The following MED7 variants were observed in gnomAD, a reference collection of about 807,000 sequenced individuals.
MED7 encodes the protein mediator complex subunit 7.
In MED7, 7 loss-of-function variants were observed where a neutral mutation model predicts 16.6. The observed-to-expected ratio is 0.42, with a 90% CI of 0.24 to 0.79. The LOEUF is 0.79. Ranked by LOEUF, MED7 falls within the 30% of genes least tolerant of loss-of-function variation. The pLI, the probability that MED7 is intolerant of heterozygous loss-of-function variation, is 0.27. For synonymous variants in MED7, 88 were observed against 90.5 expected, an observed-to-expected ratio of 0.97 and a Z score of 0.16; for missense variants, 240 against 286.3, an observed-to-expected ratio of 0.84 and a Z score of 1.17.
rs374746811 is a variant in MED7 at position 157,139,001 on chromosome 5, C to G, written c.431G>C (p.Arg144Pro). The G allele has an allele frequency of 1.2e-6, 2 of 1,614,022 alleles. No homozygotes were observed. The highest frequency in any genetic ancestry group is 1.7e-6 in the Non-Finnish European group (2 of 1,180,036). ...TCTCTCAGCTGTTTCAAGCCGTTGACGTTTCTGGACCTCCATCATGACTCT... is the reference window on the plus strand; with the variant it reads ...TCTCTCAGCTGTTTCAAGCCGTTGAGGTTTCTGGACCTCCATCATGACTCT... ...TLRVMMEVQK[R>P]QRLETAERFQ... Residue 144 changes from arginine to proline, a missense_variant, in exon 2 of 2, where the codon CGT becomes CCT. Physicochemically the swap from Arg to Pro is moderately radical, Grantham distance 103. Coordinates refer to ENST00000286317, the MANE Select transcript of MED7 (RefSeq NM_004270.5).
rs368015832 is a variant in MED7, at chr5:157,139,367, G to A, written c.65C>T (p.Thr22Met). 1.4e-5 allele frequency: 23 copies of A among 1,610,284 alleles called. No homozygotes were observed. Among genetic ancestry groups the A allele is most frequent in the Middle Eastern group, 1.7e-4 (1 of 6,052 alleles). ...TAAGCCTTCTTGAATATTTTCATCCGTATATTCCTTGATATATTGCATTGG... is the reference window on the plus strand; with the variant it reads ...TAAGCCTTCTTGAATATTTTCATCCATATATTCCTTGATATATTGCATTGG... ...PPPMQYIKEYTDENIQEGLAP... is the reference protein window; with the variant it reads ...PPPMQYIKEYMDENIQEGLAP... The change falls in exon 2 of 2, where the codon ACG becomes ATG. Residue 22 changes from threonine to methionine, a missense_variant. Coordinates refer to ENST00000286317, the MANE Select transcript of MED7 (RefSeq NM_004270.5).
Position 157,138,842 on chromosome 5 carries a change from C to T in MED7, c.590G>A (p.Cys197Tyr). Reference protein sequence around the residue: ...EPMDADDSNNCTGQNEHQREN... With the variant: ...EPMDADDSNNYTGQNEHQREN... ...TCTTTGATGTTCATTCTGTCCAGTA[C>T]AATTGTTGCTATCATCAGCATCCAT... The change falls in exon 2 of 2, where the codon TGT (cysteine) becomes TAT (tyrosine). Residue 197 changes from cysteine to tyrosine, a missense_variant. Coordinates refer to ENST00000286317, the MANE Select transcript of MED7 (RefSeq NM_004270.5). 6.2e-7 allele frequency: 1 copy of T among 1,614,132 alleles called. No homozygotes were observed. The highest frequency in any genetic ancestry group is 1.1e-5 in the South Asian group (1 of 91,084).
chr5:157,142,366 G>A (rs1248146517), intron 1 of MED7: 1 of 152,284 alleles, frequency 6.6e-6, no homozygotes, highest in East Asian at 1.9e-4. Flanking sequence ...CTGACGATTA[G>A]GCTTGGGATC....
chr5:157,138,741 C>T lies in MED7; in HGVS notation c.691G>A (p.Glu231Lys). 6.3e-7 allele frequency: 1 copy of T among 1,589,236 alleles called. No homozygotes were observed. The highest frequency in any genetic ancestry group is 8.6e-7 in the Non-Finnish European group (1 of 1,169,142). ...AAAAGAAACATCTTTCATGGTCTTT[C>T]ATTCATCTCATCAATTAGGACACAC... Reference protein sequence around the residue: ...ALCVLIDEMNERP With the variant: ...ALCVLIDEMNKRP Residue 231 changes from glutamate to lysine, a missense_variant, in exon 2 of 2, where the codon GAA becomes AAA. Glu to Lys is a moderately conservative substitution (Grantham distance 56). Transcript: ENST00000286317.
chr5:157,140,380 T>C (rs937983767), intron 1 of MED7, among the ~76,000 whole-genome samples: 3 of 152,108 alleles, frequency 2.0e-5, no homozygotes, highest in African/African-American at 4.8e-5. Context: ...AAACCCAGTA[T>C]CTATGGCCAT....
rs1757684971 is a variant in MED7, at chr5:157,139,073, T to A, written c.359A>T (p.His120Leu). 6.2e-7 allele frequency: 1 copy of A among 1,613,954 alleles called. No individual in the cohort carries two copies. Among genetic ancestry groups the A allele is most frequent in the Non-Finnish European group, 8.5e-7 (1 of 1,180,008 alleles). ...GGGTCGGTATTCATTTATAAGATGATGCACGTGTACAAAAAGCAGCTTAAG... is the reference window on the plus strand; with the variant it reads ...GGGTCGGTATTCATTTATAAGATGAAGCACGTGTACAAAAAGCAGCTTAAG... Reference protein sequence around the residue: ...EDLKLLFVHVHHLINEYRPHQ... With the variant: ...EDLKLLFVHVLHLINEYRPHQ... The change falls in exon 2 of 2, where the codon CAT becomes CTT. Residue 120 changes from histidine (H) to leucine (L), a missense_variant. Physicochemically the swap from His to Leu is moderately conservative, Grantham distance 99. Coordinates refer to ENST00000286317, the MANE Select transcript of MED7 (RefSeq NM_004270.5).
chr5:157,138,827 T>A lies in MED7; in HGVS notation c.605A>T (p.Glu202Val). Residue 202 changes from glutamate (E) to valine (V), a missense_variant, in exon 2 of 2, where the codon GAA (glutamate) becomes GTA (valine). Transcript: ENST00000286317. ...DDSNNCTGQN[E>V]HQRENSGHRR... The stretch of plus-strand genomic sequence containing the variant: ...ATGACCTGAATTTTCTCTTTGATGT[T>A]CATTCTGTCCAGTACAATTGTTGCT... 1.2e-6 allele frequency: 2 copies of A among 1,614,178 alleles called. No homozygotes were observed. The highest frequency in any genetic ancestry group is 1.7e-6 in the Non-Finnish European group (2 of 1,180,032).
At position 157,139,222 on chromosome 5, in the gene MED7, C is replaced by T. The variant is rs138916166; in HGVS notation, c.210G>A (p.Met70Ile). The T allele has an allele frequency of 2.0e-5, 33 of 1,613,456 alleles. No individual in the cohort carries two copies. Among genetic ancestry groups the T allele is most frequent in the Admixed American group, 1.7e-4 (10 of 59,836 alleles). Residue 70 changes from methionine to isoleucine, a missense_variant, in exon 2 of 2, where the codon ATG (methionine) becomes ATA (isoleucine). Met to Ile is a conservative substitution (Grantham distance 10). Transcript: ENST00000286317. Reference sequence around the variant, plus strand: ...TCAGTTCTTTCTTGTGATCAAACTGCATAGGATGAAGCCGTTCGATGCCCT... The same window carrying T: ...TCAGTTCTTTCTTGTGATCAAACTGTATAGGATGAAGCCGTTCGATGCCCT... ...ESQGIERLHP[M>I]QFDHKKELRK...
chr5:157,139,556 A>G, intron 1 of MED7, 108 bp from the exon 2 acceptor site: 1 of 593,246 alleles, frequency 1.7e-6, no homozygotes, highest in African/African-American at 1.9e-5. Context: ...TTGGGGCCGA[A>G]GACAAGATGA....
At chr5:157,141,647 G>T (rs928832761) in intron 1 of MED7, among the ~76,000 whole-genome samples, 1 of 152,038 alleles carries the variant, frequency 6.6e-6, no homozygotes, top group Non-Finnish European at 1.5e-5. Flanking sequence ...GGAGTGCAGT[G>T]GTACCATCAG....
chr5:157,138,903 G>A lies in MED7; in HGVS notation c.529C>T (p.His177Tyr). Residue 177 changes from histidine to tyrosine, a missense_variant, in exon 2 of 2, where the codon CAT (histidine) becomes TAT (tyrosine). His to Tyr is a moderately conservative substitution (Grantham distance 83). Coordinates refer to ENST00000286317, the MANE Select transcript of MED7 (RefSeq NM_004270.5). Reference protein sequence around the residue: ...CLASLPDDLPHSEAGMRVKTE... With the variant: ...CLASLPDDLPYSEAGMRVKTE... The stretch of plus-strand genomic sequence containing the variant: ...TTTACTCTCATTCCTGCTTCTGAAT[G>A]AGGCAAATCATCAGGCAAAGAAGCC... 5 of 1,614,170 alleles carry A rather than the reference G, an allele frequency of 3.1e-6. No homozygotes were observed. The highest frequency in any genetic ancestry group is 4.2e-6 in the Non-Finnish European group (5 of 1,180,042).
At chr5:157,141,518 A>C (rs1757724539) in intron 1 of MED7, among the ~76,000 whole-genome samples, 1 of 152,182 alleles carries the variant, frequency 6.6e-6, no homozygotes, top group African/African-American at 2.4e-5. Flanking sequence ...CATGACAGGT[A>C]CCATTTTTTA....
Position 157,138,812 on chromosome 5 carries a change from T to G in MED7, c.620A>C (p.Asn207Thr). The change falls in exon 2 of 2, where the codon AAT becomes ACT. Residue 207 changes from asparagine (N) to threonine (T), a missense_variant. Physicochemically the swap from Asn to Thr is moderately conservative, Grantham distance 65. Coordinates refer to ENST00000286317, the MANE Select transcript of MED7 (RefSeq NM_004270.5). ...AATCTGATCTCTCCTATGACCTGAA[T>G]TTTCTCTTTGATGTTCATTCTGTCC... ...CTGQNEHQRENSGHRRDQIIE... is the reference protein window; with the variant it reads ...CTGQNEHQRETSGHRRDQIIE... 1 of 1,614,182 alleles carries G rather than the reference T, an allele frequency of 6.2e-7. No homozygotes were observed. Among genetic ancestry groups the G allele is most frequent in the Non-Finnish European group, 8.5e-7 (1 of 1,180,042 alleles).
At chr5:157,142,236 GAGA>G (rs1757736933) in intron 1 of MED7, among the ~76,000 whole-genome samples, 1 of 152,186 alleles carries the variant, frequency 6.6e-6, no homozygotes, top group African/African-American at 2.4e-5. Context: ...TCTACTGGGG[GAGA>G]AGGAGCTTCA....
intron 1 of MED7, 105 bp from the exon 2 acceptor site, chr5:157,139,553 C>T (rs1042930612): frequency 4.3e-5 from 27 of 621,834 alleles, no homozygotes; most frequent in African/African-American, 4.0e-4. Context: ...AGTTTGGGGC[C>T]GAAGACAAGA....
chr5:157,139,742 C>T (rs1757696765), intron 1 of MED7, among the ~76,000 whole-genome samples: 1 of 125,448 alleles, frequency 8.0e-6, no homozygotes, highest in Non-Finnish European at 1.8e-5. Flanking sequence ...GACTCCATGC[C>T]CCTCACCACT....
intron 1 of MED7, chr5:157,142,445 G>A (rs992026237): frequency 7.2e-5 from 11 of 152,254 alleles, no homozygotes; most frequent in African/African-American, 2.4e-4. Context: ...AGGGCAGGGA[G>A]GGCTACTCTC....
chr5:157,142,040 T>C (rs901210587), intron 1 of MED7, among the ~76,000 whole-genome samples: 3 of 152,240 alleles, frequency 2.0e-5, no homozygotes, highest in African/African-American at 4.8e-5. Context: ...CAAGCTCTCT[T>C]ATATCCCTAA....
chr5:157,141,836 C>A (rs538952889), intron 1 of MED7, among the ~76,000 whole-genome samples: 1 of 152,286 alleles, frequency 6.6e-6, no homozygotes, highest in East Asian at 1.9e-4. Flanking sequence ...AGTGATCCGC[C>A]CACCTCGGCC....
Sources: allele counts gnomAD v4.1 joint callset (sites outside exome capture counted in the v4.1 genomes callset), GRCh38; gene constraint gnomAD v4.1.1; transcripts MANE v1.5; gene names NCBI Gene and HGNC (gene_info 2026-07-23, HGNC 2026-07-21).